LUZP2: variants seen among roughly 807,000 people sequenced by gnomAD.
LUZP2 encodes leucine zipper protein 2.
Under a neutral mutation model 51.6 loss-of-function variants are expected in LUZP2, and 52 were observed. The ratio of observed to expected loss-of-function variants is 1.01; its 90% CI spans 0.81 to 1.27. The LOEUF (loss-of-function observed/expected upper bound fraction) is 1.27, where lower values mean the gene tolerates loss of function less well. Among genes scored for constraint, LUZP2 ranks in the 50% most tolerant of loss-of-function variants. The probability of loss-of-function intolerance (pLI) is 0.00; values close to 1 mark genes in which losing one functional copy is unlikely to be tolerated. For synonymous variants in LUZP2, 154 were observed against 137.3 expected, an observed-to-expected ratio of 1.12 and a Z score of -0.85; for missense variants, 436 against 395.4, an observed-to-expected ratio of 1.10 and a Z score of -0.87.
intron 7 of LUZP2, 51 bp downstream of exon 7, chr11:24,914,589 A>G (rs1238527811): frequency 1.7e-6 from 2 of 1,198,806 alleles, no homozygotes; most frequent in African/African-American, 3.1e-5. Context: ...CAATACCTAA[A>G]ATATCAAAAA....
intron 5 of LUZP2, among the ~76,000 whole-genome samples, chr11:24,880,922 T>G (rs1852444677): frequency 6.6e-6 from 1 of 152,210 alleles, no homozygotes; most frequent in South Asian, 2.1e-4. Context: ...CAAATGTATC[T>G]GTACTATGGA....
At chr11:24,632,623 G>A (rs1475887979) in intron 1 of LUZP2, among the ~76,000 whole-genome samples, 1 of 151,912 alleles carries the variant, frequency 6.6e-6, no homozygotes, top group Non-Finnish European at 1.5e-5. Flanking sequence ...GCTCATCAGG[G>A]CAATCCTAAC....
At chr11:24,679,277 T>C (rs940607541) in intron 1 of LUZP2, among the ~76,000 whole-genome samples, 1 of 152,158 alleles carries the variant, frequency 6.6e-6, no homozygotes, top group Non-Finnish European at 1.5e-5. Context: ...AAATTTTTCA[T>C]GACATGTTAG....
At chr11:24,645,525 C>A (rs930440164) in intron 1 of LUZP2, among the ~76,000 whole-genome samples, 2 of 152,028 alleles carry the variant, frequency 1.3e-5, no homozygotes, top group African/African-American at 4.8e-5. Flanking sequence ...TCAAGAAGAG[C>A]ACTTGACAGC....
intron 1 of LUZP2, among the ~76,000 whole-genome samples, chr11:24,516,420 T>C (rs1221454515): frequency 2.0e-5 from 3 of 152,122 alleles, no homozygotes; most frequent in African/African-American, 7.2e-5. Flanking sequence ...TCCAGAGAAA[T>C]GGGATAAGTG....
intron 1 of LUZP2, among the ~76,000 whole-genome samples, chr11:24,644,350 C>G (rs545893715): frequency 6.6e-6 from 1 of 152,262 alleles, no homozygotes; most frequent in South Asian, 2.1e-4. Context: ...CCTTCAAAGT[C>G]TGCTTTCCCT....
chr11:24,967,231 T>A (rs2133890025), intron 7 of LUZP2, among the ~76,000 whole-genome samples: 1 of 152,008 alleles, frequency 6.6e-6, no homozygotes, highest in East Asian at 1.9e-4. Context: ...AAAGTAATCC[T>A]GTGGGAATTA....
At chr11:25,022,483 A>G (rs1444757589) in intron 9 of LUZP2, among the ~76,000 whole-genome samples, 4 of 152,096 alleles carry the variant, frequency 2.6e-5, no homozygotes, top group Admixed American at 1.3e-4. Flanking sequence ...AGGGAATGCA[A>G]TTTATATCAA....
At chr11:24,549,708 A>G (rs1373477486) in intron 1 of LUZP2, among the ~76,000 whole-genome samples, 3 of 152,076 alleles carry the variant, frequency 2.0e-5, no homozygotes, top group Admixed American at 6.6e-5. Context: ...TAATCTTATG[A>G]GACTACCATC....
intron 7 of LUZP2, among the ~76,000 whole-genome samples, chr11:24,969,016 A>G (rs1565172935): frequency 1.3e-5 from 2 of 152,100 alleles, no homozygotes; most frequent in African/African-American, 2.4e-5. Context: ...TTTAAGTTAT[A>G]TTTTAGGTTT....
At chr11:24,663,566 C>G (rs528334057) in intron 1 of LUZP2, among the ~76,000 whole-genome samples, 39 of 152,164 alleles carry the variant, frequency 2.6e-4, no homozygotes, top group Non-Finnish European at 4.4e-4. Context: ...ATAGTAAATG[C>G]ATTTTACAAT....
At chr11:25,002,528 A>G (rs538072344) in intron 9 of LUZP2, among the ~76,000 whole-genome samples, 1 of 152,318 alleles carries the variant, frequency 6.6e-6, no homozygotes, top group African/African-American at 2.4e-5. Context: ...GGCACCTAGT[A>G]TGCCATTTAC....
intron 3 of LUZP2, among the ~76,000 whole-genome samples, chr11:24,733,632 T>TTG (rs1304918520): frequency 1.3e-5 from 2 of 150,258 alleles, no homozygotes; most frequent in Non-Finnish European, 3.0e-5. Context: ...CTGGGGAGAG[T>TTG]GTTGGTGGTG....
intron 1 of LUZP2, among the ~76,000 whole-genome samples, chr11:24,554,258 A>G (rs998867440): frequency 6.6e-6 from 1 of 152,128 alleles, no homozygotes; most frequent in Non-Finnish European, 1.5e-5. Context: ...TACATGTATG[A>G]TATGATTTTA....
At chr11:24,652,413 C>T (rs1004283034) in intron 1 of LUZP2, among the ~76,000 whole-genome samples, 1 of 151,890 alleles carries the variant, frequency 6.6e-6, no homozygotes, top group African/African-American at 2.4e-5. Context: ...AGTAGAGAAG[C>T]CTCAATCTTA....
At chr11:24,711,640 T>C (rs1226347318) in intron 1 of LUZP2, among the ~76,000 whole-genome samples, 1 of 152,090 alleles carries the variant, frequency 6.6e-6, no homozygotes, top group Non-Finnish European at 1.5e-5. Context: ...CCCTTTTCAG[T>C]TACTATTTAA....
intron 5 of LUZP2, among the ~76,000 whole-genome samples, chr11:24,839,781 T>C (rs1443694634): frequency 6.6e-6 from 1 of 151,798 alleles, no homozygotes; most frequent in Admixed American, 6.6e-5. Flanking sequence ...CAGTTTATTC[T>C]TGTCTGCTCT....
chr11:25,005,049 C>T (rs1426049757), intron 9 of LUZP2, among the ~76,000 whole-genome samples: 1 of 152,160 alleles, frequency 6.6e-6, no homozygotes, highest in African/African-American at 2.4e-5. Context: ...AAACTTCCCC[C>T]AGGTCTGCCT....
At chr11:24,515,375 A>T (rs1481749317) in intron 1 of LUZP2, among the ~76,000 whole-genome samples, 1 of 152,154 alleles carries the variant, frequency 6.6e-6, no homozygotes, top group African/African-American at 2.4e-5. Context: ...AAGAGGGATA[A>T]CTTGGCAATT....
Sources: gnomAD v4.1 joint callset for allele counts (sites outside exome capture counted in the v4.1 genomes callset) on GRCh38, gnomAD v4.1.1 for gene constraint, MANE v1.5 for transcripts, NCBI Gene and HGNC (gene_info 2026-07-23, HGNC 2026-07-21) for gene names.